The following ABL1 variants were observed in gnomAD, a reference collection of about 807,000 sequenced individuals.
ABL1 encodes ABL proto-oncogene 1, non-receptor tyrosine kinase.
ABL1 carries 11 observed loss-of-function variants against 94.7 expected under a neutral mutation model. That is an observed-to-expected ratio of 0.12 (90% CI 0.07 to 0.19). The LOEUF (loss-of-function observed/expected upper bound fraction) is 0.19. Among genes scored for constraint, ABL1 ranks in the 10% least tolerant of loss-of-function variants. The pLI is 1.00. For missense variants in ABL1, 1,082 were observed against 1,489.4 expected, an observed-to-expected ratio of 0.73 and a Z score of 4.50; for synonymous variants, 656 against 622.4, an observed-to-expected ratio of 1.05 and a Z score of -0.80.
chr9:130,863,087 T>A lies in ABL1; in HGVS notation c.822+52T>A. 6.6e-7 allele frequency: 1 copy of A among 1,525,236 alleles called. No individual in the cohort carries two copies. Among genetic ancestry groups the A allele is most frequent in the Non-Finnish European group, 8.8e-7 (1 of 1,133,024 alleles). The allele number at this position is 1,525,236 out of a possible 1,614,324, so 94.5% of individuals were successfully genotyped here. On this transcript the variant is annotated intron_variant, in intron 4 of 10. Transcript: ENST00000318560. The surrounding 1 kb of genome is among the most constrained non-coding windows in gnomAD (Gnocchi z 4.3). ...AGGGTACGTGGGGCAAGGCGTCTGC[T>A]GGCATTAGGCGATGCATCTGCCTGG...
chr9:130,844,229 G>A (rs1338433735), intron 1 of ABL1, among the ~76,000 whole-genome samples: 1 of 152,156 alleles, frequency 6.6e-6, no homozygotes, highest in Non-Finnish European at 1.5e-5. Flanking sequence ...GAGTGGAGGT[G>A]GAATGGCCAA....
intron 1 of ABL1, among the ~76,000 whole-genome samples, chr9:130,727,763 C>CA (rs201790155): frequency 1.3e-4 from 15 of 114,358 alleles, no homozygotes; most frequent in South Asian, 3.1e-4. Context: ...CCCCCCCCCC[C>CA]AAAAAAAAGC....
At chr9:130,852,202 T>A (rs1261264873) in intron 1 of ABL1, among the ~76,000 whole-genome samples, 1 of 152,170 alleles carries the variant, frequency 6.6e-6, no homozygotes, top group Non-Finnish European at 1.5e-5. Context: ...TATTTATTTA[T>A]TTTTTGAGAT....
At chr9:130,833,054 T>C (rs2855191), upstream of ABL1, among the ~76,000 whole-genome samples, 32,039 of 152,006 alleles carry the variant, frequency 0.21, 4,063 homozygotes, top group African/African-American at 0.36. Context: ...GAGGATAAGA[T>C]CATTTTAGAC....
chr9:130,727,498 C>T (rs1831601657), intron 1 of ABL1, among the ~76,000 whole-genome samples: 1 of 152,124 alleles, frequency 6.6e-6, no homozygotes, highest in South Asian at 2.1e-4. Flanking sequence ...CGTGGTGGCA[C>T]ACGCCTGTAA....
intron 7 of ABL1, among the ~76,000 whole-genome samples, chr9:130,876,729 G>GTTTTTTTTTTT (rs1169956131): frequency 8.7e-6 from 1 of 115,360 alleles, no homozygotes; most frequent in African/African-American, 3.4e-5. Flanking sequence ...CCACAAGTTG[G>GTTTTTTTTTTT]TTTCTTTTTT....
At chr9:130,797,073 T>C (rs1308576508) in intron 1 of ABL1, among the ~76,000 whole-genome samples, 1 of 149,490 alleles carries the variant, frequency 6.7e-6, no homozygotes, top group Admixed American at 6.7e-5. Context: ...TTGTCTCTAC[T>C]AAAACTACAA....
chr9:130,822,421 T>C (rs1346398041), intron 1 of ABL1, among the ~76,000 whole-genome samples: 1 of 149,664 alleles, frequency 6.7e-6, no homozygotes, highest in Non-Finnish European at 1.5e-5. Flanking sequence ...TTTGTCTGCC[T>C]ACCTATCCCC....
chr9:130,824,430 G>A (rs1194350900), intron 1 of ABL1, among the ~76,000 whole-genome samples: 2 of 152,150 alleles, frequency 1.3e-5, no homozygotes, highest in Admixed American at 6.5e-5. Flanking sequence ...ATCTGCTTAG[G>A]CAGTTCACCA....
At chr9:130,788,319 T>G (rs887520870) in intron 1 of ABL1, among the ~76,000 whole-genome samples, 1 of 152,232 alleles carries the variant, frequency 6.6e-6, no homozygotes, top group Non-Finnish European at 1.5e-5. Flanking sequence ...TTACATTTGC[T>G]TTACCATTTC....
intron 1 of ABL1, among the ~76,000 whole-genome samples, chr9:130,746,715 A>G (rs1314782150): frequency 2.0e-5 from 3 of 151,906 alleles, no homozygotes; most frequent in Non-Finnish European, 4.4e-5. Context: ...TTGGTGGGGC[A>G]TTGGTGATTA....
rs563064901 is a variant in ABL1 at position 130,761,033 on chromosome 9, C to T, written c.136+46578C>T. Among the ~76,000 whole-genome samples, 18 of 150,762 alleles carry T rather than the reference C, an allele frequency of 1.2e-4. No homozygotes were observed. The East Asian group carries it at 3.1e-3, about 26-fold the overall frequency. ...TGCAATCTCGGCTCACTGCAAGCTC[C>T]GCCTCCCAGGTTCACACCATTCTCC... On this transcript the variant is annotated intron_variant, in intron 1 of 10. Transcript: ENST00000372348.
chr9:130,779,248 T>C (rs1829720820), intron 1 of ABL1, among the ~76,000 whole-genome samples: 1 of 152,114 alleles, frequency 6.6e-6, no homozygotes, highest in African/African-American at 2.4e-5. Context: ...CGGAGATGTG[T>C]GTGCCATTTG....
intron 10 of ABL1, among the ~76,000 whole-genome samples, chr9:130,881,564 G>A (rs1831454404): frequency 6.6e-6 from 1 of 152,146 alleles, no homozygotes; most frequent in African/African-American, 2.4e-5. Flanking sequence ...TCACTACCAC[G>A]AGAATGTGGG....
intron 1 of ABL1, among the ~76,000 whole-genome samples, chr9:130,783,374 C>T (rs538912227): frequency 6.6e-6 from 1 of 152,156 alleles, no homozygotes; most frequent in Non-Finnish European, 1.5e-5. Flanking sequence ...GCAGTAATCA[C>T]AAGAGCTTTA....
chr9:130,886,636 TCA>T lies in ABL1; in HGVS notation c.*958_*959del. ...CAAGGGCCCAGAGTGAACCGTCCTT[TCA>T]CACATCTGGGTGCCCTGAAAGGGCC... On this transcript the variant is annotated 3_prime_UTR_variant, in exon 11 of 11. Transcript: ENST00000318560. 1 of 233,712 alleles carries T rather than the reference TCA, an allele frequency of 4.3e-6. No individual in the cohort carries two copies. Among genetic ancestry groups the T allele is most frequent in the South Asian group, 1.8e-4 (1 of 5,534 alleles). 14.5% of individuals were successfully genotyped at this position (233,712 alleles called of 1,614,324 possible).
intron 1 of ABL1, among the ~76,000 whole-genome samples, chr9:130,839,447 G>A (rs1019252053): frequency 6.6e-6 from 1 of 152,136 alleles, no homozygotes; most frequent in Non-Finnish European, 1.5e-5. Context: ...CCTAATAAAA[G>A]GCCAGTCTGT....
intron 1 of ABL1, among the ~76,000 whole-genome samples, chr9:130,734,433 T>G (rs1206830305): frequency 6.6e-6 from 1 of 151,706 alleles, no homozygotes; most frequent in Admixed American, 6.6e-5. Flanking sequence ...GCCAGGATGG[T>G]CTTGATCTCC....
At chr9:130,763,324 T>G (rs546144300) in intron 1 of ABL1, among the ~76,000 whole-genome samples, 2,896 of 78,820 alleles carry the variant, frequency 0.037, 27 homozygotes, top group Admixed American at 0.05. Flanking sequence ...ATTTTTGTGG[T>G]TTTTTTTCAT....
Sources: gnomAD v4.1 joint callset for allele counts (sites outside exome capture counted in the v4.1 genomes callset) on GRCh38, gnomAD v4.1.1 for gene constraint, Gnocchi (gnomAD v3.1) non-coding constraint, MANE v1.5 for transcripts, NCBI Gene and HGNC (gene_info 2026-07-23, HGNC 2026-07-21) for gene names.